Variants in ACVR2A observed in about 807,000 individuals in gnomAD.
ACVR2A encodes the protein activin A receptor type 2A, also known as activin receptor type-2A.
A neutral mutation model predicts 61.4 loss-of-function variants in ACVR2A; 7 were observed. That is an observed-to-expected ratio of 0.11 (90% CI 0.06 to 0.21). ACVR2A has a LOEUF of 0.21. Among genes scored for constraint, ACVR2A ranks in the 10% least tolerant of loss-of-function variants. ACVR2A has a pLI of 1.00. For missense variants in ACVR2A, 322 were observed against 621.7 expected (o/e 0.52, Z 5.13); for synonymous variants, 193 against 208.3 (o/e 0.93, Z 0.63).
intron 9 of ACVR2A, among the ~76,000 whole-genome samples, chr2:147,924,343 C>G (rs1337236319): frequency 6.6e-6 from 1 of 151,950 alleles, no homozygotes; most frequent in Non-Finnish European, 1.5e-5. Context: ...TTAGTTAGGG[C>G]AATAAAATAT....
chr2:147,911,860 A>G (rs188484584), intron 4 of ACVR2A, among the ~76,000 whole-genome samples: 16 of 152,206 alleles, frequency 1.1e-4, no homozygotes, highest in African/African-American at 2.6e-4. Context: ...CATTCGCCTC[A>G]AAAACCTTGT....
Position 147,927,495 on chromosome 2 carries a change from T to G in ACVR2A, c.*221T>G, listed in dbSNP as rs946780579. 1.2e-5 allele frequency: 5 copies of G among 415,538 alleles called. No individual in the cohort carries two copies. The highest frequency in any genetic ancestry group is 2.1e-5 in the Non-Finnish European group (5 of 239,008). The allele number at this position is 415,538 out of a possible 1,614,324, so 25.7% of individuals were successfully genotyped here. On this transcript the variant is annotated 3_prime_UTR_variant, in exon 11 of 11. Transcript: ENST00000241416. ...TGAGACTAAGAGAAACCTTGCAAAC[T>G]CTATAAAGAAACTTTTGAAAAAGTG...
chr2:147,929,502 A>C lies in ACVR2A; in HGVS notation c.*2228A>C, dbSNP rs1687601265. ...TTCAAGTTAGAAAAAATTTTTAGAAATCCTGGGTATTGTATTTAACTGTAG... is the reference window on the plus strand; with the variant it reads ...TTCAAGTTAGAAAAAATTTTTAGAACTCCTGGGTATTGTATTTAACTGTAG... On this transcript the variant is annotated 3_prime_UTR_variant, in exon 11 of 11. Transcript: ENST00000241416. 1 of 152,426 alleles carries C rather than the reference A, an allele frequency of 6.6e-6. No homozygotes were observed. The highest frequency in any genetic ancestry group is 2.4e-5 in the African/African-American group (1 of 41,414). 9.4% of individuals were successfully genotyped at this position (152,426 alleles called of 1,614,324 possible).
rs567911971 is a variant in ACVR2A, at chr2:147,867,591, T to G, written c.55+22384T>G. Among the ~76,000 whole-genome samples the G allele has an allele frequency of 2.6e-5, 4 of 152,112 alleles. 1 individual carries two copies. The South Asian group carries it at 8.3e-4, about 32-fold the overall frequency. ...CCTATTCCTCCCTTACTCCAGAAAC[T>G]AAACAAAGCAAACAAAAATGCACCA... On this transcript the variant is annotated intron_variant, in intron 1 of 10. Transcript: ENST00000241416.
intron 1 of ACVR2A, among the ~76,000 whole-genome samples, chr2:147,890,230 CCTT>C (rs1392542110): frequency 3.3e-5 from 5 of 151,974 alleles, no homozygotes; most frequent in Admixed American, 2.6e-4. Context: ...AAGTAGCAGC[CCTT>C]CTTCTATAGA....
chr2:147,878,106 G>A (rs993099358), intron 1 of ACVR2A, among the ~76,000 whole-genome samples: 6 of 152,050 alleles, frequency 3.9e-5, no homozygotes, highest in South Asian at 2.1e-4. Flanking sequence ...ATTAACATAG[G>A]ACAGAACTGT....
In ACVR2A at chr2:147,922,850, G is replaced by A. The variant is rs1048670313; in HGVS notation, c.1078-123G>A. 1.8e-5 allele frequency: 16 copies of A among 885,424 alleles called. No homozygotes were observed. In the African/African-American group the frequency reaches 2.2e-4, roughly 12 times the overall value. 54.8% of individuals were successfully genotyped at this position (885,424 alleles called of 1,614,324 possible). ...GCAGAAAGGATCTTTCTATTTATAC[G>A]CTATAGTGTGTATACCTTACCCTGG... On this transcript the variant is annotated intron_variant, in intron 8 of 10. Transcript: ENST00000241416.
chr2:147,884,925 A>G (rs1027049095), intron 1 of ACVR2A, among the ~76,000 whole-genome samples: 3 of 152,068 alleles, frequency 2.0e-5, no homozygotes, highest in Admixed American at 6.5e-5. Flanking sequence ...ACCCAATACT[A>G]CAGAATATAG....
chr2:147,895,130 C>G lies in ACVR2A; in HGVS notation c.56-1171C>G, dbSNP rs73020036. Among the ~76,000 whole-genome samples the G allele has an allele frequency of 2.6e-3, 394 of 152,168 alleles. 1 individual carries two copies. Among genetic ancestry groups the G allele is most frequent in the African/African-American group, 8.9e-3 (369 of 41,522 alleles). ...TTGCTACCATAAAATATACGCACATCTATTATAAAAAGTTAAAATTTATCA... is the reference window on the plus strand; with the variant it reads ...TTGCTACCATAAAATATACGCACATGTATTATAAAAAGTTAAAATTTATCA... On this transcript the variant is annotated intron_variant, in intron 1 of 10. Transcript: ENST00000241416.
intron 1 of ACVR2A, among the ~76,000 whole-genome samples, chr2:147,889,423 G>T (rs1484420274): frequency 6.6e-6 from 1 of 152,108 alleles, no homozygotes; most frequent in East Asian, 1.9e-4. Context: ...CTCAGATACA[G>T]TTGCTTGAGG....
intron 1 of ACVR2A, among the ~76,000 whole-genome samples, chr2:147,848,377 CA>C (rs1685368063): frequency 6.6e-6 from 1 of 152,132 alleles, no homozygotes; most frequent in South Asian, 2.1e-4. Context: ...CCCAGATCCC[CA>C]TCCATGGGAC....
intron 4 of ACVR2A, among the ~76,000 whole-genome samples, chr2:147,904,101 T>C (rs1388695619): frequency 1.3e-5 from 2 of 152,026 alleles, no homozygotes; most frequent in Non-Finnish European, 1.5e-5. Context: ...CAGTTCTTTC[T>C]GTAATCACAG....
intron 1 of ACVR2A, among the ~76,000 whole-genome samples, chr2:147,864,473 G>T (rs533821662): frequency 2.6e-4 from 40 of 151,988 alleles, no homozygotes; most frequent in Non-Finnish European, 5.4e-4. Flanking sequence ...CTGGTGATCC[G>T]CCTACCTTGG....
At chr2:147,867,444 G>A (rs1685890640) in intron 1 of ACVR2A, among the ~76,000 whole-genome samples, 1 of 152,050 alleles carries the variant, frequency 6.6e-6, no homozygotes, top group Non-Finnish European at 1.5e-5. Flanking sequence ...CAAAATCCAA[G>A]CAATTACTAA....
intron 1 of ACVR2A, among the ~76,000 whole-genome samples, chr2:147,854,988 C>A (rs1252338225): frequency 1.3e-5 from 2 of 152,088 alleles, no homozygotes; most frequent in Admixed American, 6.5e-5. Context: ...TCAAGTGATT[C>A]TCCTGCCTCA....
intron 1 of ACVR2A, among the ~76,000 whole-genome samples, chr2:147,848,323 A>G (rs1373101034): frequency 4.6e-5 from 7 of 152,094 alleles, no homozygotes; most frequent in Admixed American, 3.9e-4. Flanking sequence ...TTTATGATCT[A>G]AGCCAACAGT....
intron 1 of ACVR2A, among the ~76,000 whole-genome samples, chr2:147,868,553 T>C (rs1448358206): frequency 6.6e-6 from 1 of 152,074 alleles, no homozygotes; most frequent in Non-Finnish European, 1.5e-5. Flanking sequence ...AAGTATCTGA[T>C]GTGGATAATC....
chr2:147,900,839 G>C (rs746820528), intron 4 of ACVR2A, among the ~76,000 whole-genome samples: 3 of 151,838 alleles, frequency 2.0e-5, no homozygotes, highest in Admixed American at 6.6e-5. Flanking sequence ...GTTAAAACTT[G>C]ATAGAAAAAA....
At chr2:147,921,311 A>C (rs1178638496) in intron 8 of ACVR2A, among the ~76,000 whole-genome samples, 2 of 152,204 alleles carry the variant, frequency 1.3e-5, no homozygotes, top group African/African-American at 4.8e-5. Context: ...CTGGGATTAT[A>C]GGCGTGAGCC....
Sources: allele counts gnomAD v4.1 joint callset (sites outside exome capture counted in the v4.1 genomes callset), GRCh38; gene constraint gnomAD v4.1.1; transcripts MANE v1.5; gene names NCBI Gene and HGNC (gene_info 2026-07-23, HGNC 2026-07-21).